The following HSPA2 variants were observed in gnomAD, a reference collection of about 807,000 sequenced individuals.
The protein encoded by HSPA2 is heat shock-related 70 kDa protein 2.
A neutral mutation model predicts 35.0 loss-of-function variants in HSPA2; 13 were observed. The ratio of observed to expected loss-of-function variants is 0.37; its 90% confidence interval spans 0.24 to 0.59. The LOEUF is 0.59. Among genes scored for constraint, HSPA2 ranks in the 20% least tolerant of loss-of-function variants. The pLI is 0.70. For synonymous variants in HSPA2, 368 were observed against 382.1 expected (o/e 0.96, Z 0.43); for missense variants, 565 against 885.4 (o/e 0.64, Z 4.59).
upstream of HSPA2, among the ~76,000 whole-genome samples, chr14:64,537,144 G>A (rs765641270): frequency 6.6e-6 from 1 of 152,082 alleles, no homozygotes; most frequent in Non-Finnish European, 1.5e-5. Flanking sequence ...CACATTCTTT[G>A]TTTCAGTTGT....
rs776299096 is a variant in HSPA2, at chr14:64,542,479, G to A, written c.1630G>A (p.Ala544Thr). Reference protein sequence around the residue: ...ANRDRVAAKNALESYTYNIKQ... With the variant: ...ANRDRVAAKNTLESYTYNIKQ... ...TCGCGACCGAGTCGCGGCCAAAAAC[G>A]CCCTGGAGTCCTATACCTACAACAT... Residue 544 changes from alanine to threonine, a missense_variant, in exon 1 of 1, where the codon GCC (alanine) becomes ACC (threonine). Coordinates refer to ENST00000247207, the MANE Select transcript of HSPA2 (RefSeq NM_021979.4). This position sits in a 1 kb window ranked among gnomAD's most constrained non-coding sequence, Gnocchi z 5.7. 1.9e-6 allele frequency: 3 copies of A among 1,613,488 alleles called. No individual in the cohort carries two copies. Among genetic ancestry groups the A allele is most frequent in the Non-Finnish European group, 2.5e-6 (3 of 1,179,972 alleles).
chr14:64,540,530 T>G (rs1008552332), upstream of HSPA2: 46 of 371,374 alleles, frequency 1.2e-4, no homozygotes, highest in Non-Finnish European at 1.7e-4. Context: ...AGGAACCTCA[T>G]TTACATAACG....
upstream of HSPA2, among the ~76,000 whole-genome samples, chr14:64,540,059 C>A (rs2080012320): frequency 6.6e-6 from 1 of 152,116 alleles, no homozygotes; most frequent in Non-Finnish European, 1.5e-5. Context: ...GGAGGCCGAC[C>A]GCCGGTTCAG....
In HSPA2 at chr14:64,541,432, G is replaced by A; in HGVS notation, c.583G>A (p.Glu195Lys). Reference protein sequence around the residue: ...GLDKKGCAGGEKNVLIFDLGG... With the variant: ...GLDKKGCAGGKKNVLIFDLGG... ...GGACAAGAAGGGCTGCGCGGGCGGCGAGAAGAACGTGCTCATCTTTGACCT... is the reference window on the plus strand; with the variant it reads ...GGACAAGAAGGGCTGCGCGGGCGGCAAGAAGAACGTGCTCATCTTTGACCT... Residue 195 changes from glutamate to lysine, a missense_variant, in exon 1 of 1, where the codon GAG (glutamate) becomes AAG (lysine). By Grantham distance (56) the Glu-to-Lys change is moderately conservative. This residue lies in a region of HSPA2 where 183 missense variants were observed against 281.6 expected (regional missense o/e 0.65). Transcript: ENST00000247207. 6.2e-7 allele frequency: 1 copy of A among 1,613,520 alleles called. No individual in the cohort carries two copies. Among genetic ancestry groups the A allele is most frequent in the Non-Finnish European group, 8.5e-7 (1 of 1,179,730 alleles).
chr14:64,540,706 C>A (rs2080020531), upstream of HSPA2: 13 of 1,264,034 alleles, frequency 1.0e-5, no homozygotes, highest in Non-Finnish European at 1.4e-5. Flanking sequence ...TTCCCAGAGG[C>A]GGCTATAAGA....
At position 64,541,818 on chromosome 14, in the gene HSPA2, G is replaced by T. The variant is rs1286397996; in HGVS notation, c.969G>T (p.Ala323=). ...GGACCCTGGAGCCGGTGGAGAAGGC[G>T]CTGCGCGACGCCAAGCTGGACAAGG... ...FRGTLEPVEK[A]LRDAKLDKGQ... is the part of the protein sequence containing the mutation. The change falls in exon 1 of 1, where the codon GCG becomes GCT. Residue 323 remains alanine (A), a synonymous_variant. Transcript: ENST00000247207. The T allele has an allele frequency of 6.2e-7, 1 of 1,613,604 alleles. No homozygotes were observed. The highest frequency in any genetic ancestry group is 8.5e-7 in the Non-Finnish European group (1 of 1,180,036).
upstream of HSPA2, among the ~76,000 whole-genome samples, chr14:64,539,871 G>C (rs1047991396): frequency 6.6e-6 from 1 of 152,074 alleles, no homozygotes; most frequent in Non-Finnish European, 1.5e-5. Flanking sequence ...TAGTAGAGAC[G>C]GGCTTTCACC....
In HSPA2 at chr14:64,541,167, A is replaced by G; in HGVS notation, c.318A>G (p.Val106=). The G allele has an allele frequency of 6.2e-7, 1 of 1,614,212 alleles. No homozygotes were observed. The highest frequency in any genetic ancestry group is 8.5e-7 in the Non-Finnish European group (1 of 1,180,038). Residue 106 remains valine (V), a synonymous_variant, in exon 1 of 1, where the codon GTA becomes GTG. Coordinates refer to ENST00000247207, the MANE Select transcript of HSPA2 (RefSeq NM_021979.4). ...VSEGGKPKVQ[V]EYKGETKTFF... is the part of the protein sequence containing the mutation. ...AGGGAGGCAAGCCCAAAGTGCAAGT[A>G]GAGTACAAGGGGGAGACCAAGACCT...
chr14:64,536,568 C>G (rs1217867880), upstream of HSPA2, among the ~76,000 whole-genome samples: 3 of 152,116 alleles, frequency 2.0e-5, no homozygotes, highest in East Asian at 5.8e-4. Context: ...CGAGACCAGA[C>G]TGACCAACAT....
At position 64,540,758 on chromosome 14, in the gene HSPA2, C is replaced by A. The variant is rs2080021542; in HGVS notation, c.-92C>A. The A allele has an allele frequency of 6.5e-7, 1 of 1,548,124 alleles. No individual in the cohort carries two copies. The highest frequency in any genetic ancestry group is 8.7e-7 in the Non-Finnish European group (1 of 1,145,288). On this transcript the variant is annotated 5_prime_UTR_variant, in exon 1 of 1. Coordinates refer to ENST00000247207, the MANE Select transcript of HSPA2 (RefSeq NM_021979.4). ...GGGGAGCTGAGTTGCTGGTAGTGCCCGTGGTGCTTGGTTCGAGGTGGCCGT... is the reference window on the plus strand; with the variant it reads ...GGGGAGCTGAGTTGCTGGTAGTGCCAGTGGTGCTTGGTTCGAGGTGGCCGT...
chr14:64,538,578 C>G (rs1282602955), upstream of HSPA2, among the ~76,000 whole-genome samples: 3 of 152,250 alleles, frequency 2.0e-5, no homozygotes, highest in African/African-American at 7.2e-5. Context: ...CATGCCACCT[C>G]TTCCAGGTAG....
chr14:64,542,252 C>T lies in HSPA2; in HGVS notation c.1403C>T (p.Pro468Leu), dbSNP rs2080039453. The T allele has an allele frequency of 1.9e-6, 3 of 1,613,902 alleles. No individual in the cohort carries two copies. The highest frequency in any genetic ancestry group is 2.5e-6 in the Non-Finnish European group (3 of 1,180,042). The stretch of plus-strand genomic sequence containing the variant: ...GGCAAGTTCGACCTGACCGGGATTC[C>T]CCCTGCGCCTCGCGGGGTCCCCCAA... ...LLGKFDLTGIPPAPRGVPQIE... is the reference protein window; with the variant it reads ...LLGKFDLTGILPAPRGVPQIE... The change falls in exon 1 of 1, where the codon CCC (proline) becomes CTC (leucine). Residue 468 changes from proline to leucine, a missense_variant. By Grantham distance (98) the Pro-to-Leu change is moderately conservative. Coordinates refer to ENST00000247207, the MANE Select transcript of HSPA2 (RefSeq NM_021979.4). This position sits in a 1 kb window ranked among gnomAD's most constrained non-coding sequence, Gnocchi z 5.7.
At chr14:64,538,317 T>C (rs919209674), upstream of HSPA2, among the ~76,000 whole-genome samples, 8 of 152,176 alleles carry the variant, frequency 5.3e-5, no homozygotes, top group African/African-American at 1.7e-4. Context: ...TGCACATCAC[T>C]AGCCTGCTTT....
In HSPA2 at chr14:64,542,007, C is replaced by T. The variant is rs766369303; in HGVS notation, c.1158C>T (p.Asp386=). 5.6e-6 allele frequency: 9 copies of T among 1,613,418 alleles called. No individual in the cohort carries two copies. In the South Asian group the frequency reaches 7.7e-5, roughly 14 times the overall value. Residue 386 remains aspartate, a synonymous_variant, in exon 1 of 1, where the codon GAC becomes GAT. Coordinates refer to ENST00000247207, the MANE Select transcript of HSPA2 (RefSeq NM_021979.4). This position sits in a 1 kb window ranked among gnomAD's most constrained non-coding sequence, Gnocchi z 5.7. ...TGCAGGCGGCCATCCTCATCGGCGA[C>T]AAATCAGAGAATGTGCAGGACCTGC... ...AAVQAAILIG[D]KSENVQDLLL...
chr14:64,542,535 G>A lies in HSPA2; in HGVS notation c.1686G>A (p.Arg562=). 1 of 1,613,368 alleles carries A rather than the reference G, an allele frequency of 6.2e-7. No homozygotes were observed. Among genetic ancestry groups the A allele is most frequent in the Admixed American group, 1.7e-5 (1 of 59,904 alleles). ...AGACGGTGGAAGACGAGAAACTGAG[G>A]GGCAAGATTAGCGAGCAGGACAAAA... The part of the protein sequence containing the change: ...IKQTVEDEKL[R]GKISEQDKNK... Residue 562 remains arginine (R), a synonymous_variant, in exon 1 of 1, where the codon AGG becomes AGA. Transcript: ENST00000247207. This position sits in a 1 kb window ranked among gnomAD's most constrained non-coding sequence, Gnocchi z 5.7.
At chr14:64,536,248 C>T (rs965367641), upstream of HSPA2, among the ~76,000 whole-genome samples, 4 of 152,024 alleles carry the variant, frequency 2.6e-5, no homozygotes, top group East Asian at 3.8e-4. Flanking sequence ...AACATTTTTC[C>T]GTGTCATTAA....
chr14:64,541,139 G>A lies in HSPA2; in HGVS notation c.290G>A (p.Ser97Asn). 6.2e-7 allele frequency: 1 copy of A among 1,614,220 alleles called. No individual in the cohort carries two copies. The highest frequency in any genetic ancestry group is 8.5e-7 in the Non-Finnish European group (1 of 1,180,052). The change falls in exon 1 of 1, where the codon AGC becomes AAC. Residue 97 changes from serine to asparagine, a missense_variant. Around this residue, in one of 4 missense-constraint regions of HSPA2, gnomAD observed 183 missense variants for 281.6 expected, o/e 0.65. Coordinates refer to ENST00000247207, the MANE Select transcript of HSPA2 (RefSeq NM_021979.4). Reference sequence around the variant, plus strand: ...AAACACTGGCCGTTCCGGGTGGTGAGCGAGGGAGGCAAGCCCAAAGTGCAA... The same window carrying A: ...AAACACTGGCCGTTCCGGGTGGTGAACGAGGGAGGCAAGCCCAAAGTGCAA... ...DMKHWPFRVV[S>N]EGGKPKVQVE...
chr14:64,536,753 CA>C (rs2079982968), upstream of HSPA2, among the ~76,000 whole-genome samples: 1 of 152,066 alleles, frequency 6.6e-6, no homozygotes, highest in African/African-American at 2.4e-5. Flanking sequence ...AACAAACAAA[CA>C]AATTTTTAAA....
chr14:64,539,884 G>A (rs1440153225), upstream of HSPA2, among the ~76,000 whole-genome samples: 3 of 152,098 alleles, frequency 2.0e-5, no homozygotes, highest in African/African-American at 7.2e-5. Flanking sequence ...CTTTCACCAT[G>A]TTGGCCAGGA....
Sources: allele counts gnomAD v4.1 joint callset (sites outside exome capture counted in the v4.1 genomes callset), GRCh38; gene constraint gnomAD v4.1.1; regional missense constraint gnomAD v4.1.1; non-coding constraint Gnocchi (gnomAD v3.1); transcripts MANE v1.5; gene names NCBI Gene and HGNC (gene_info 2026-07-23, HGNC 2026-07-21).